Variants in FGF12 observed in about 807,000 individuals in gnomAD.
FGF12 encodes fibroblast growth factor 12, also known as fibroblast growth factor 12B.
FGF12 carries 14 observed loss-of-function variants against 23.6 expected under a neutral mutation model. That is an observed-to-expected ratio of 0.59 (90% CI 0.39 to 0.93). The LOEUF (loss-of-function observed/expected upper bound fraction) is 0.93. FGF12 is among the 40% of genes least tolerant of loss of function. FGF12 has a pLI of 0.00. For missense variants in FGF12, 175 were observed against 217.8 expected (o/e 0.80, Z 1.24); for synonymous variants, 62 against 77.3 (o/e 0.80, Z 1.04).
intron 2 of FGF12, among the ~76,000 whole-genome samples, chr3:192,638,256 T>C (rs1354489709): frequency 6.6e-6 from 1 of 152,232 alleles, no homozygotes; most frequent in Non-Finnish European, 1.5e-5. Flanking sequence ...TGAATACAAC[T>C]TATTGTTCTT....
At chr3:192,194,730 T>A (rs150031094) in intron 4 of FGF12, among the ~76,000 whole-genome samples, 1 of 152,168 alleles carries the variant, frequency 6.6e-6, no homozygotes, top group African/African-American at 2.4e-5. Flanking sequence ...TTTGAAACAT[T>A]GTGGAGTCTA....
At chr3:192,241,182 T>C (rs1304889897) in intron 4 of FGF12, among the ~76,000 whole-genome samples, 2 of 152,164 alleles carry the variant, frequency 1.3e-5, no homozygotes, top group South Asian at 2.1e-4. Context: ...AGAAAGATAT[T>C]TTTGGAAAGA....
intron 2 of FGF12, among the ~76,000 whole-genome samples, chr3:192,541,196 T>TCTTC (rs1351653561): frequency 6.6e-6 from 1 of 152,194 alleles, no homozygotes; most frequent in Non-Finnish European, 1.5e-5. Flanking sequence ...TGTGGTCTTC[T>TCTTC]CTTCCTTCTT....
At chr3:192,160,343 A>G (rs1382444862) in intron 5 of FGF12, among the ~76,000 whole-genome samples, 1 of 152,100 alleles carries the variant, frequency 6.6e-6, no homozygotes, top group Non-Finnish European at 1.5e-5. Flanking sequence ...TCCTTTAATC[A>G]ATCCATTCTA....
At chr3:192,556,148 G>A (rs147049713) in intron 2 of FGF12, among the ~76,000 whole-genome samples, 112 of 152,056 alleles carry the variant, frequency 7.4e-4, no homozygotes, top group African/African-American at 2.6e-3. Flanking sequence ...TAATAAAATG[G>A]CAATCATAAG....
At chr3:192,561,940 G>A (rs1402301847) in intron 2 of FGF12, among the ~76,000 whole-genome samples, 1 of 150,918 alleles carries the variant, frequency 6.6e-6, no homozygotes, top group Non-Finnish European at 1.5e-5. Flanking sequence ...AAAAGAAAAT[G>A]ACTTGTACAT....
chr3:192,324,815 C>T (rs1295914689), intron 4 of FGF12, among the ~76,000 whole-genome samples: 1 of 152,166 alleles, frequency 6.6e-6, no homozygotes, highest in East Asian at 1.9e-4. Context: ...AATCTGGCAT[C>T]ATATTCAAAT....
rs183837616 is a variant in FGF12, at chr3:192,301,575, C to T, written c.228+33786G>A. 6.4e-4 allele frequency among the ~76,000 whole-genome samples: 98 copies of T among 152,074 alleles called. 1 individual carries two copies. Among genetic ancestry groups the T allele is most frequent in the Middle Eastern group, 6.8e-3 (2 of 294 alleles). On this transcript the variant is annotated intron_variant, in intron 4 of 5. Transcript: ENST00000445105. ...ACCCAAAAAATTATGATAAGCTCTA[C>T]GGAGGAAAAGAGTACTGTGGCAACA...
intron 4 of FGF12, among the ~76,000 whole-genome samples, chr3:192,224,560 CT>C (rs1026296765): frequency 6.6e-6 from 1 of 150,970 alleles, no homozygotes; most frequent in Admixed American, 6.6e-5. Flanking sequence ...TTCATAGCTA[CT>C]TTTTTTTTAA....
intron 4 of FGF12, among the ~76,000 whole-genome samples, chr3:192,227,471 T>C (rs376818274): frequency 6.6e-6 from 1 of 151,762 alleles, no homozygotes; most frequent in Non-Finnish European, 1.5e-5. Context: ...CTTCCTCATA[T>C]TTCCCTTTAT....
At chr3:192,160,103 C>G (rs1175140130) in intron 5 of FGF12, among the ~76,000 whole-genome samples, 1 of 152,106 alleles carries the variant, frequency 6.6e-6, no homozygotes, top group Non-Finnish European at 1.5e-5. Flanking sequence ...TCTATCAGGT[C>G]TACCTTCAAA....
chr3:192,313,079 T>C (rs1716043628), intron 4 of FGF12, among the ~76,000 whole-genome samples: 1 of 152,216 alleles, frequency 6.6e-6, no homozygotes, highest in Admixed American at 6.5e-5. Context: ...AGAAATTCTG[T>C]CGAAATTAGT....
intron 4 of FGF12, among the ~76,000 whole-genome samples, chr3:192,181,154 G>A (rs769091968): frequency 3.9e-5 from 6 of 152,132 alleles, no homozygotes; most frequent in African/African-American, 7.2e-5. Context: ...GCTGAATGGA[G>A]ATGGCTGTGG....
chr3:192,428,030 T>C (rs1251272469), intron 2 of FGF12, among the ~76,000 whole-genome samples: 1 of 152,236 alleles, frequency 6.6e-6, no homozygotes, highest in African/African-American at 2.4e-5. Flanking sequence ...GATGTTAATA[T>C]TGTGTAGCAA....
At chr3:192,539,472 T>C (rs1173050286) in intron 2 of FGF12, among the ~76,000 whole-genome samples, 1 of 152,208 alleles carries the variant, frequency 6.6e-6, no homozygotes, top group Non-Finnish European at 1.5e-5. Flanking sequence ...GAACCATCCT[T>C]GTATTTCTGG....
chr3:192,589,464 C>T (rs368822983), intron 2 of FGF12, among the ~76,000 whole-genome samples: 49 of 151,884 alleles, frequency 3.2e-4, no homozygotes, highest in Middle Eastern at 3.4e-3. Context: ...ACTTGCAAAT[C>T]ACAATGTTTT....
chr3:192,654,925 G>A (rs1450332127), intron 2 of FGF12, among the ~76,000 whole-genome samples: 2 of 152,084 alleles, frequency 1.3e-5, no homozygotes, highest in African/African-American at 2.4e-5. Flanking sequence ...TAGATTGATG[G>A]ACCACATTTT....
intron 2 of FGF12, among the ~76,000 whole-genome samples, chr3:192,649,248 G>A (rs75088980): frequency 0.015 from 2,267 of 152,112 alleles, 64 homozygotes; most frequent in African/African-American, 0.053. Flanking sequence ...AGGATTGATC[G>A]CCACAGCCAA....
At chr3:192,355,217 T>C (rs1718415067) in intron 3 of FGF12, among the ~76,000 whole-genome samples, 1 of 152,220 alleles carries the variant, frequency 6.6e-6, no homozygotes, top group Non-Finnish European at 1.5e-5. Context: ...GGATATTCTT[T>C]ATAGGATTGT....
Sources: gnomAD v4.1 joint callset for allele counts (sites outside exome capture counted in the v4.1 genomes callset) on GRCh38, gnomAD v4.1.1 for gene constraint, MANE v1.5 for transcripts, NCBI Gene and HGNC (gene_info 2026-07-23, HGNC 2026-07-21) for gene names.